Variants in ABCA13 observed in about 807,000 individuals in gnomAD.
ABCA13 encodes the protein ATP-binding cassette sub-family A member 13.
ABCA13 carries 476 observed loss-of-function variants against 478.7 expected under a neutral mutation model. The ratio of observed to expected loss-of-function variants is 0.99; its 90% CI spans 0.92 to 1.07. The LOEUF is 1.07. Ranked by LOEUF, ABCA13 falls within the 50% of genes least tolerant of loss-of-function variation. The pLI, the probability that ABCA13 is intolerant of heterozygous loss-of-function variation, is 0.00. For missense variants in ABCA13, 6,060 were observed against 5,910.6 expected (o/e 1.03, Z -0.83); for synonymous variants, 2,252 against 2,158.9 (o/e 1.04, Z -1.20).
chr7:48,528,210 CT>C, intron 54 of ABCA13, 25 bp from the exon 55 acceptor site: 1 of 1,505,614 alleles, frequency 6.6e-7, no homozygotes, highest in Non-Finnish European at 9.1e-7. Context: ...ATTGAATGTG[CT>C]TTACTTAACT....
chr7:48,364,717 C>G (rs981860816), intron 31 of ABCA13, among the ~76,000 whole-genome samples: 1 of 152,098 alleles, frequency 6.6e-6, no homozygotes, highest in South Asian at 2.1e-4. Flanking sequence ...CAGTTCCATC[C>G]GTGTTGCTTC....
At chr7:48,454,390 G>A (rs748047174) in intron 42 of ABCA13, among the ~76,000 whole-genome samples, 1 of 152,212 alleles carries the variant, frequency 6.6e-6, no homozygotes, top group African/African-American at 2.4e-5. Context: ...GAGGGAGCGT[G>A]GCCGGATGAT....
intron 23 of ABCA13, among the ~76,000 whole-genome samples, chr7:48,304,535 T>C (rs139159492): frequency 5.8e-4 from 88 of 152,238 alleles, no homozygotes; most frequent in African/African-American, 2.0e-3. Context: ...TGAGATAGAA[T>C]CTCCTTGTGG....
chr7:48,377,500 G>A (rs1230110436), intron 35 of ABCA13, among the ~76,000 whole-genome samples: 1 of 152,120 alleles, frequency 6.6e-6, no homozygotes, highest in Non-Finnish European at 1.5e-5. Flanking sequence ...GAAAACAAAT[G>A]CAGTTCATTC....
intron 47 of ABCA13, among the ~76,000 whole-genome samples, chr7:48,488,380 T>C (rs1476576953): frequency 2.6e-5 from 4 of 152,038 alleles, no homozygotes; most frequent in African/African-American, 9.7e-5. Flanking sequence ...AGAAAAGAGA[T>C]TGGAAGCCCT....
rs545945168 is a variant in ABCA13 at position 48,447,764 on chromosome 7, C to T, written c.12566-7273C>T. Among the ~76,000 whole-genome samples, 15 of 152,298 alleles carry T rather than the reference C, an allele frequency of 9.8e-5. No homozygotes were observed. In the East Asian group the frequency reaches 1.5e-3, roughly 16 times the overall value. ...CCATTCAATCACCCATCAGACCTTA[C>T]TGAGCATCTCATTTGGGCTGGGGAG... On this transcript the variant is annotated intron_variant, in intron 42 of 61. Coordinates refer to ENST00000435803, the MANE Select transcript of ABCA13 (RefSeq NM_152701.5).
rs549830288 is a variant in ABCA13, at chr7:48,220,013, T to A, written c.439+508T>A. ...GTAACCCTTTAAGACTGGCCTTGGA[T>A]GATTTATTTACTTTGATTACAAACC... On this transcript the variant is annotated intron_variant, in intron 4 of 61. Coordinates refer to ENST00000435803, the MANE Select transcript of ABCA13 (RefSeq NM_152701.5). 7.2e-5 allele frequency among the ~76,000 whole-genome samples: 11 copies of A among 152,188 alleles called. No homozygotes were observed. The South Asian group carries it at 1.0e-3, about 14-fold the overall frequency.
At chr7:48,547,485 C>T (rs1003830437) in intron 55 of ABCA13, among the ~76,000 whole-genome samples, 5 of 151,870 alleles carry the variant, frequency 3.3e-5, no homozygotes, top group South Asian at 2.1e-4. Context: ...TGACTTCAGT[C>T]GGCCCCATGT....
chr7:48,342,758 A>C (rs1471192691), intron 29 of ABCA13, among the ~76,000 whole-genome samples: 3 of 152,092 alleles, frequency 2.0e-5, no homozygotes, highest in Non-Finnish European at 2.9e-5. Context: ...TTTTCTATAT[A>C]ATCCAACCTA....
chr7:48,534,734 T>C (rs1306008234), intron 55 of ABCA13, among the ~76,000 whole-genome samples: 2 of 152,184 alleles, frequency 1.3e-5, no homozygotes, highest in Non-Finnish European at 2.9e-5. Flanking sequence ...TTTGATGAAT[T>C]GGGTTAATTA....
intron 41 of ABCA13, among the ~76,000 whole-genome samples, chr7:48,421,990 T>C (rs6969707): frequency 0.39 from 56,140 of 142,288 alleles, 11,336 homozygotes; most frequent in African/African-American, 0.53. Flanking sequence ...CTGTCTTGTG[T>C]GAACCTGCCC....
In ABCA13 at chr7:48,278,086, A is replaced by ATATATT; in HGVS notation, c.6900-7_6900-6insATATTT. The ATATATT allele has an allele frequency of 9.5e-7, 1 of 1,055,348 alleles. No individual in the cohort carries two copies. The allele number at this position is 1,055,348 out of a possible 1,614,324, so 65.4% of individuals were successfully genotyped here. ...AAATTAAAAGTATATATATATATAT[A>ATATATT]TTTACAGTTTTGTCCCAAAAGATAA... On this transcript the variant is annotated splice_polypyrimidine_tract_variant and splice_region_variant and intron_variant, in intron 17 of 61. Transcript: ENST00000435803.
chr7:48,304,435 C>T (rs1471326697), intron 23 of ABCA13, among the ~76,000 whole-genome samples: 1 of 152,190 alleles, frequency 6.6e-6, no homozygotes, highest in Admixed American at 6.5e-5. Context: ...TTTACATTCC[C>T]ACCAACAGTG....
chr7:48,434,695 T>C (rs1200920919), intron 42 of ABCA13, among the ~76,000 whole-genome samples: 2 of 151,968 alleles, frequency 1.3e-5, no homozygotes, highest in Non-Finnish European at 1.5e-5. Context: ...ATACTGTGTA[T>C]GGTAGGTGTC....
chr7:48,357,016 T>C (rs1434426498), intron 31 of ABCA13, among the ~76,000 whole-genome samples: 2 of 151,900 alleles, frequency 1.3e-5, no homozygotes, highest in Non-Finnish European at 2.9e-5. Flanking sequence ...CCCACCACCC[T>C]GGGGTGGGTT....
At position 48,245,787 on chromosome 7, in the gene ABCA13, G is replaced by A. The variant is rs140701019; in HGVS notation, c.1492-76G>A. On this transcript the variant is annotated intron_variant, in intron 12 of 61. Transcript: ENST00000435803. Reference sequence around the variant, plus strand: ...ATGTTTATCATTGCTTATTATATTTGCAGTTCTTGAGCCCATGAAGAGGGT... The same window carrying A: ...ATGTTTATCATTGCTTATTATATTTACAGTTCTTGAGCCCATGAAGAGGGT... 147 of 1,469,344 alleles carry A rather than the reference G, an allele frequency of 1.0e-4. No individual in the cohort carries two copies. In the East Asian group the frequency reaches 3.3e-3, roughly 33 times the overall value. The allele number at this position is 1,469,344 out of a possible 1,614,324, so 91.0% of individuals were successfully genotyped here.
chr7:48,506,507 G>A, intron 49 of ABCA13, 117 bp downstream of exon 49: 1 of 1,158,628 alleles, frequency 8.6e-7, no homozygotes. Flanking sequence ...GGCTTATAGA[G>A]TTAGCAGGAA....
At chr7:48,517,014 C>G in intron 52 of ABCA13, 133 bp downstream of exon 52, 1 of 1,002,374 alleles carries the variant, frequency 1.0e-6, no homozygotes, top group Non-Finnish European at 1.4e-6. Flanking sequence ...TCTTTAAACT[C>G]CAGAGAGATA....
chr7:48,417,229 G>A (rs969206541), intron 41 of ABCA13, among the ~76,000 whole-genome samples: 7 of 152,074 alleles, frequency 4.6e-5, no homozygotes, highest in African/African-American at 1.7e-4. Flanking sequence ...TCTGTGACGG[G>A]GTCAAATGAC....
Sources: gnomAD v4.1 joint callset for allele counts (sites outside exome capture counted in the v4.1 genomes callset) on GRCh38, gnomAD v4.1.1 for gene constraint, MANE v1.5 for transcripts, NCBI Gene and HGNC (gene_info 2026-07-23, HGNC 2026-07-21) for gene names.